Variants in CCSER1 observed in about 807,000 individuals in gnomAD.
CCSER1 encodes serine-rich coiled-coil domain-containing protein 1.
A neutral mutation model predicts 82.0 loss-of-function variants in CCSER1; 41 were observed. The observed-to-expected ratio is 0.50, with a 90% confidence interval of 0.39 to 0.65. CCSER1 has a LOEUF of 0.65. Ranked by LOEUF, CCSER1 falls within the 30% of genes least tolerant of loss-of-function variation. CCSER1 has a pLI of 0.00. For synonymous variants in CCSER1, 414 were observed against 383.9 expected (o/e 1.08, Z -0.92); for missense variants, 1,119 against 1,064.2 (o/e 1.05, Z -0.72).
At chr4:91,359,217 A>G (rs527842065) in intron 10 of CCSER1, among the ~76,000 whole-genome samples, 7 of 151,834 alleles carry the variant, frequency 4.6e-5, no homozygotes, top group South Asian at 4.1e-4. Context: ...GAGTTTCACA[A>G]TGCTCTACTA....
intron 7 of CCSER1, among the ~76,000 whole-genome samples, chr4:90,755,272 A>G (rs1749320016): frequency 6.6e-6 from 1 of 152,136 alleles, no homozygotes; most frequent in Admixed American, 6.6e-5. Flanking sequence ...TCAGTGCCAG[A>G]TATATGTGTT....
chr4:90,937,481 A>ACACACACACACACACC, intron 9 of CCSER1, among the ~76,000 whole-genome samples: 1 of 7,250 alleles, frequency 1.4e-4, no homozygotes, highest in African/African-American at 6.0e-4. Flanking sequence ...CTAATTTGAA[A>ACACACACACACACACC]CACACACACA....
intron 4 of CCSER1, among the ~76,000 whole-genome samples, chr4:90,423,011 C>G (rs951750327): frequency 2.0e-5 from 3 of 152,054 alleles, no homozygotes; most frequent in Non-Finnish European, 1.5e-5. Context: ...GAGATTTTGT[C>G]TACTTATTGA....
chr4:91,046,636 G>A (rs1742514820), intron 9 of CCSER1, among the ~76,000 whole-genome samples: 1 of 152,122 alleles, frequency 6.6e-6, no homozygotes, highest in African/African-American at 2.4e-5. Flanking sequence ...TTATGACAAT[G>A]GATATATAGC....
chr4:90,187,358 A>AT lies in CCSER1; in HGVS notation c.-42+59545dup, dbSNP rs67308500. Among the ~76,000 whole-genome samples, 802 of 130,426 alleles carry AT rather than the reference A, an allele frequency of 6.1e-3. 6 individuals are homozygous for AT. Among genetic ancestry groups the AT allele is most frequent in the Non-Finnish European group, 7.4e-3 (441 of 59,826 alleles). The allele number at this position is 130,426 out of a possible 152,430, so 85.6% of individuals were successfully genotyped here. A position where few individuals can be genotyped will look rare whatever the true frequency, so the allele number is the denominator to read the frequency against. ...GTAGATTTGATAAAATACAGTAGCT[A>AT]TTTTTTTTTTTTTTTTTTGGCCACC... On this transcript the variant is annotated intron_variant, in intron 1 of 10. Coordinates refer to ENST00000509176, the MANE Select transcript of CCSER1 (RefSeq NM_001145065.2).
At chr4:90,642,167 C>A (rs1275429500) in intron 6 of CCSER1, 1 of 157,708 alleles carries the variant, frequency 6.3e-6, no homozygotes, top group Non-Finnish European at 1.4e-5. Flanking sequence ...GTGGAAAAGC[C>A]GTAATTGTGT....
At chr4:90,933,492 G>GT (rs545462121) in intron 9 of CCSER1, among the ~76,000 whole-genome samples, 4,066 of 143,712 alleles carry the variant, frequency 0.028, 89 homozygotes, top group African/African-American at 0.064. Flanking sequence ...AGGATGAAGT[G>GT]TTTTTTTTTT....
At chr4:91,005,402 C>G (rs1279970354) in intron 9 of CCSER1, among the ~76,000 whole-genome samples, 1 of 151,968 alleles carries the variant, frequency 6.6e-6, no homozygotes, top group Non-Finnish European at 1.5e-5. Flanking sequence ...CACACACACA[C>G]ACACACACAC....
intron 10 of CCSER1, among the ~76,000 whole-genome samples, chr4:91,121,878 A>G (rs1291871149): frequency 2.0e-5 from 3 of 151,670 alleles, no homozygotes; most frequent in African/African-American, 4.8e-5. Context: ...CTATAGAAAT[A>G]TAGATAAATA....
chr4:90,806,191 C>G (rs1757479299), intron 7 of CCSER1, among the ~76,000 whole-genome samples: 1 of 152,068 alleles, frequency 6.6e-6, no homozygotes, highest in Non-Finnish European at 1.5e-5. Flanking sequence ...ATTTGCAAAG[C>G]CATTCATAGA....
intron 1 of CCSER1, among the ~76,000 whole-genome samples, chr4:90,185,639 G>A (rs1026798359): frequency 4.6e-5 from 7 of 151,958 alleles, no homozygotes; most frequent in African/African-American, 1.4e-4. Context: ...TGAAAGACAA[G>A]AGGGATGGAG....
chr4:91,347,372 G>C (rs1488106275), intron 10 of CCSER1, among the ~76,000 whole-genome samples: 1 of 151,956 alleles, frequency 6.6e-6, no homozygotes, highest in African/African-American at 2.4e-5. Flanking sequence ...TAAATTTATA[G>C]TGTATCTTGA....
intron 10 of CCSER1, among the ~76,000 whole-genome samples, chr4:91,238,900 C>G (rs1261225131): frequency 3.9e-5 from 6 of 151,934 alleles, no homozygotes; most frequent in Admixed American, 6.6e-5. Flanking sequence ...CTCAGCTCAC[C>G]GCAACCTCTG....
At chr4:90,915,268 A>T (rs965503321) in intron 8 of CCSER1, among the ~76,000 whole-genome samples, 4 of 152,198 alleles carry the variant, frequency 2.6e-5, no homozygotes, top group African/African-American at 4.8e-5. Flanking sequence ...AATCCTCAAT[A>T]AAATACTGGC....
Position 90,430,007 on chromosome 4 carries a change from C to G in CCSER1, c.1603+29878C>G, listed in dbSNP as rs139662452. Among the ~76,000 whole-genome samples, 472 of 151,800 alleles carry G rather than the reference C, an allele frequency of 3.1e-3. 2 individuals are homozygous for G. Among genetic ancestry groups the G allele is most frequent in the African/African-American group, 0.011 (441 of 41,504 alleles). ...CATATAATTCTTAAAATGAAACAAA[C>G]CTGATGTTCGTAGAATATACAGGTA... On this transcript the variant is annotated intron_variant, in intron 4 of 10. Coordinates refer to ENST00000509176, the MANE Select transcript of CCSER1 (RefSeq NM_001145065.2).
intron 1 of CCSER1, among the ~76,000 whole-genome samples, chr4:90,241,432 G>A (rs1410911032): frequency 6.6e-6 from 1 of 152,076 alleles, no homozygotes; most frequent in Non-Finnish European, 1.5e-5. Context: ...TATTATGAAC[G>A]ACAGTAACAG....
intron 10 of CCSER1, among the ~76,000 whole-genome samples, chr4:91,186,288 C>G (rs1581734757): frequency 6.6e-6 from 1 of 152,152 alleles, no homozygotes; most frequent in African/African-American, 2.4e-5. Context: ...TGTTACTTCA[C>G]TATACTCTCC....
chr4:90,288,520 G>C (rs1730325501), intron 1 of CCSER1, among the ~76,000 whole-genome samples: 1 of 151,912 alleles, frequency 6.6e-6, no homozygotes. Context: ...CTCCAGAAAA[G>C]GGACTAGCCC....
intron 1 of CCSER1, among the ~76,000 whole-genome samples, chr4:90,146,493 G>A (rs901289456): frequency 5.9e-5 from 9 of 151,854 alleles, no homozygotes; most frequent in African/African-American, 2.2e-4. Context: ...CTAATTACTG[G>A]CAGCTTTGGT....
Sources: gnomAD v4.1 joint callset for allele counts (sites outside exome capture counted in the v4.1 genomes callset) on GRCh38, gnomAD v4.1.1 for gene constraint, MANE v1.5 for transcripts, NCBI Gene and HGNC (gene_info 2026-07-23, HGNC 2026-07-21) for gene names.